The following PALM2AKAP2 variants were observed in gnomAD, a reference collection of about 807,000 sequenced individuals.
PALM2AKAP2 encodes the protein PALM2 and AKAP2 fusion, also known as PALM2-AKAP2 fusion protein.
A neutral mutation model predicts 71.5 loss-of-function variants in PALM2AKAP2; 37 were observed. The ratio of observed to expected loss-of-function variants is 0.52; its 90% CI spans 0.40 to 0.68. The LOEUF (loss-of-function observed/expected upper bound fraction) is 0.68, where lower values mean the gene tolerates loss of function less well. PALM2AKAP2 is among the 30% of genes least tolerant of loss of function. The pLI is 0.00. For missense variants in PALM2AKAP2, 1,224 were observed against 1,191.8 expected, an observed-to-expected ratio of 1.03 and a Z score of -0.40; for synonymous variants, 468 against 478.8, an observed-to-expected ratio of 0.98 and a Z score of 0.29.
At chr9:109,996,346 C>T (rs1832575331) in intron 6 of PALM2AKAP2, among the ~76,000 whole-genome samples, 1 of 152,152 alleles carries the variant, frequency 6.6e-6, no homozygotes, top group African/African-American at 2.4e-5. Flanking sequence ...GAGAGGAAAC[C>T]AAGTTTTAAG....
Position 109,797,559 on chromosome 9 carries a change from G to A in PALM2AKAP2, c.45+17026G>A, listed in dbSNP as rs532704257. On this transcript the variant is annotated intron_variant, in intron 1 of 9. Coordinates refer to the PALM2AKAP2 transcript ENST00000302798. ...ACTCAGAAGCAGCAGTGAGCAGTGG[G>A]ACTGCTGGGACCTTTACCAGCAATC... is the stretch of plus-strand genomic sequence containing the variant. Among the ~76,000 whole-genome samples the A allele has an allele frequency of 2.0e-5, 3 of 152,316 alleles. No homozygotes were observed. In the South Asian group the frequency reaches 6.2e-4, roughly 32 times the overall value.
At chr9:109,749,589 T>G (rs1232768549) in intron 1 of PALM2AKAP2, among the ~76,000 whole-genome samples, 2 of 151,026 alleles carry the variant, frequency 1.3e-5, no homozygotes, top group Admixed American at 1.3e-4. Context: ...TTTCTGGGAA[T>G]TGAGAGTTGT....
chr9:110,038,602 A>G (rs1463052032), intron 7 of PALM2AKAP2, among the ~76,000 whole-genome samples: 3 of 152,016 alleles, frequency 2.0e-5, no homozygotes, highest in Non-Finnish European at 4.4e-5. Context: ...TTTGAGGGGA[A>G]ACAGGGAATT....
intron 1 of PALM2AKAP2, among the ~76,000 whole-genome samples, chr9:109,832,464 T>A (rs190968691): frequency 4.1e-4 from 63 of 152,336 alleles, no homozygotes; most frequent in Non-Finnish European, 7.8e-4. Flanking sequence ...TCATGTCAGC[T>A]ACTAGCTCTT....
intron 1 of PALM2AKAP2, among the ~76,000 whole-genome samples, chr9:109,786,679 T>G (rs141575280): frequency 6.6e-6 from 1 of 152,214 alleles, no homozygotes; most frequent in Non-Finnish European, 1.5e-5. Context: ...TGCATAAGGG[T>G]CACACACCTC....
At chr9:109,653,484 T>C (rs940224167) in intron 1 of PALM2AKAP2, among the ~76,000 whole-genome samples, 1 of 152,208 alleles carries the variant, frequency 6.6e-6, no homozygotes, top group African/African-American at 2.4e-5. Context: ...TCCTCCATCC[T>C]TTCAATACTT....
Position 110,010,063 on chromosome 9 carries a change from G to A in PALM2AKAP2, c.497-5891G>A, listed in dbSNP as rs77037904. On this transcript the variant is annotated intron_variant, in intron 6 of 9. Coordinates refer to the PALM2AKAP2 transcript ENST00000302798. Reference sequence around the variant, plus strand: ...AGCTAGGTGAGAGGGTGTATAAAAAGCAATACAAAAAATGTTATGGTGGTT... The same window carrying A: ...AGCTAGGTGAGAGGGTGTATAAAAAACAATACAAAAAATGTTATGGTGGTT... 9.4e-3 allele frequency among the ~76,000 whole-genome samples: 1,431 copies of A among 152,244 alleles called. 22 individuals carry two copies. Among genetic ancestry groups the A allele is most frequent in the African/African-American group, 0.033 (1,381 of 41,542 alleles).
intron 3 of PALM2AKAP2, among the ~76,000 whole-genome samples, chr9:109,917,360 G>A (rs1456578649): frequency 1.3e-5 from 2 of 152,100 alleles, no homozygotes; most frequent in African/African-American, 2.4e-5. Context: ...ATTGTTGTAA[G>A]CCACTAAGTT....
At chr9:109,755,205 A>G (rs1032275373) in intron 1 of PALM2AKAP2, among the ~76,000 whole-genome samples, 1 of 152,048 alleles carries the variant, frequency 6.6e-6, no homozygotes, top group East Asian at 1.9e-4. Flanking sequence ...AGAAAATGCC[A>G]CTTCCCTGCT....
At chr9:109,956,501 C>G (rs1831750440) in intron 6 of PALM2AKAP2, among the ~76,000 whole-genome samples, 2 of 152,174 alleles carry the variant, frequency 1.3e-5, no homozygotes, top group African/African-American at 4.8e-5. Context: ...TCTGCCAAAT[C>G]AAATTCCATT....
intron 1 of PALM2AKAP2, among the ~76,000 whole-genome samples, chr9:109,708,581 T>A (rs1828179810): frequency 6.6e-6 from 1 of 152,204 alleles, no homozygotes; most frequent in Non-Finnish European, 1.5e-5. Flanking sequence ...TATTATTAGA[T>A]TCTCAGGGAT....
chr9:110,077,878 G>A (rs763589094), intron 1 of PALM2AKAP2, among the ~76,000 whole-genome samples: 1 of 152,050 alleles, frequency 6.6e-6, no homozygotes, highest in Non-Finnish European at 1.5e-5. Context: ...GCTGGGCGTG[G>A]TGGTGTACGC....
At chr9:110,003,991 A>G (rs1374041629) in intron 6 of PALM2AKAP2, among the ~76,000 whole-genome samples, 1 of 152,116 alleles carries the variant, frequency 6.6e-6, no homozygotes, top group Non-Finnish European at 1.5e-5. Context: ...CTAATTTGCC[A>G]GTCTGTGTCT....
intron 1 of PALM2AKAP2, among the ~76,000 whole-genome samples, chr9:109,672,148 G>T (rs907148297): frequency 6.6e-6 from 1 of 152,050 alleles, no homozygotes; most frequent in Non-Finnish European, 1.5e-5. Flanking sequence ...CATTAAACAG[G>T]AACGGTGAAA....
At chr9:109,651,340 T>C (rs572450992) in intron 1 of PALM2AKAP2, among the ~76,000 whole-genome samples, 26 of 152,362 alleles carry the variant, frequency 1.7e-4, no homozygotes, top group African/African-American at 6.3e-4. Flanking sequence ...CTCCCACTGC[T>C]GGTAGCCACT....
In PALM2AKAP2 at chr9:110,037,012, G is replaced by A. The variant is rs146502444; in HGVS notation, c.582+20973G>A. ...TTTATTTTTCTTTATAACAATTACC[G>A]CCTCCTGACACAAAATACATTTCAT... On this transcript the variant is annotated intron_variant, in intron 7 of 9. Coordinates refer to the PALM2AKAP2 transcript ENST00000302798. Among the ~76,000 whole-genome samples, 322 of 151,928 alleles carry A rather than the reference G, an allele frequency of 2.1e-3. 3 individuals carry two copies. In the Middle Eastern group the frequency reaches 0.024, roughly 11 times the overall value.
chr9:110,013,960 T>A (rs1334119554), intron 6 of PALM2AKAP2, among the ~76,000 whole-genome samples: 1 of 152,240 alleles, frequency 6.6e-6, no homozygotes, highest in East Asian at 1.9e-4. Flanking sequence ...TAGCTGTTTT[T>A]GTAAATAAAG....
intron 3 of PALM2AKAP2, among the ~76,000 whole-genome samples, chr9:109,909,934 A>C (rs1032381044): frequency 4.6e-5 from 7 of 152,190 alleles, no homozygotes; most frequent in African/African-American, 1.7e-4. Context: ...AGGGGTTTTC[A>C]GCAGGGGAGT....
chr9:109,661,495 A>C (rs1428864204), intron 1 of PALM2AKAP2, among the ~76,000 whole-genome samples: 1 of 152,130 alleles, frequency 6.6e-6, no homozygotes, highest in East Asian at 1.9e-4. Context: ...GTTATTTCTG[A>C]GGCCTCTGTT....
Sources: gnomAD v4.1 joint callset for allele counts (sites outside exome capture counted in the v4.1 genomes callset) on GRCh38, gnomAD v4.1.1 for gene constraint, MANE v1.5 for transcripts, NCBI Gene and HGNC (gene_info 2026-07-23, HGNC 2026-07-21) for gene names.